CCNH: variants seen among roughly 807,000 people sequenced by gnomAD.
CCNH encodes cyclin-H.
A neutral mutation model predicts 41.9 loss-of-function variants in CCNH; 31 were observed. The observed-to-expected ratio is 0.74, with a 90% confidence interval of 0.56 to 1.00. The LOEUF (loss-of-function observed/expected upper bound fraction) is 1.00. Among genes scored for constraint, CCNH ranks in the 50% least tolerant of loss-of-function variants. The pLI is 0.00. For missense variants in CCNH, 362 were observed against 388.4 expected, an observed-to-expected ratio of 0.93 and a Z score of 0.57; for synonymous variants, 138 against 136.1, an observed-to-expected ratio of 1.01 and a Z score of -0.10.
chr5:87,395,652 G>A (rs1026094693), intron 7 of CCNH, among the ~76,000 whole-genome samples: 5 of 152,270 alleles, frequency 3.3e-5, no homozygotes, highest in African/African-American at 1.2e-4. Context: ...GCGTCAGATC[G>A]CCTGAGCCCA....
At chr5:87,408,456 G>A (rs1013457369) in intron 3 of CCNH, among the ~76,000 whole-genome samples, 1 of 152,114 alleles carries the variant, frequency 6.6e-6, no homozygotes, top group Admixed American at 6.6e-5. Flanking sequence ...ACAGTGTTAT[G>A]CAGTACAACC....
chr5:87,319,814 C>G (rs1580251094), intron 9 of CCNH, among the ~76,000 whole-genome samples: 1 of 152,198 alleles, frequency 6.6e-6, no homozygotes, highest in African/African-American at 2.4e-5. Context: ...GCTTGAATTT[C>G]TCCCCCCAAA....
At chr5:87,406,301 A>C (rs1763785811) in intron 4 of CCNH, among the ~76,000 whole-genome samples, 3 of 152,120 alleles carry the variant, frequency 2.0e-5, no homozygotes, top group Admixed American at 2.0e-4. Context: ...TTTGTATTTC[A>C]TCTTGCTCTC....
chr5:87,412,905 G>T lies in CCNH; in HGVS notation c.-111C>A, dbSNP rs1400492253. 4.2e-5 allele frequency: 62 copies of T among 1,491,896 alleles called. No homozygotes were observed. Among genetic ancestry groups the T allele is most frequent in the Middle Eastern group, 3.6e-4 (2 of 5,614 alleles). The allele number at this position is 1,491,896 out of a possible 1,614,324, so 92.4% of individuals were successfully genotyped here. A position where few individuals can be genotyped will look rare whatever the true frequency, so the allele number is the denominator to read the frequency against. ...CGAAGATCTCGCGGAAGCCTAGGGC[G>T]TCCGGCTAGCCGGCGCTGGCGCGCT... On this transcript the variant is annotated 5_prime_UTR_variant, in exon 1 of 9. Coordinates refer to ENST00000256897, the MANE Select transcript of CCNH (RefSeq NM_001239.4).
exon 1 of CCNH, chr5:87,376,875 T>C: frequency 6.3e-7 from 1 of 1,593,780 alleles, no homozygotes; most frequent in Middle Eastern, 1.7e-4. Flanking sequence ...TAAAATGTCA[T>C]TTTAGCTTAT....
chr5:87,330,833 G>C (rs1757548444), intron 9 of CCNH: 1 of 606,110 alleles, frequency 1.6e-6, no homozygotes, highest in Non-Finnish European at 2.5e-6. Context: ...TCAGCTTCAC[G>C]TTCAAACAGG....
At chr5:87,338,537 T>TATATATATA (rs1421369290) in intron 9 of CCNH, among the ~76,000 whole-genome samples, 3 of 79,798 alleles carry the variant, frequency 3.8e-5, no homozygotes, top group South Asian at 4.3e-4. Flanking sequence ...ATATATAAAA[T>TATATATATA]TTTTTTTTTT....
chr5:87,315,964 A>G (rs752075523), downstream of CCNH, among the ~76,000 whole-genome samples: 10 of 152,218 alleles, frequency 6.6e-5, no homozygotes, highest in Non-Finnish European at 1.2e-4. Context: ...TTCTTCAGTA[A>G]TTTGTAATTC....
chr5:87,374,725 C>T, downstream of CCNH: 1 of 1,421,630 alleles, frequency 7.0e-7, no homozygotes, highest in Non-Finnish European at 9.6e-7. Context: ...AGGTCTAGCA[C>T]ACTGTTTTTT....
At chr5:87,324,873 G>A (rs1389719079) in intron 9 of CCNH, among the ~76,000 whole-genome samples, 2 of 151,902 alleles carry the variant, frequency 1.3e-5, no homozygotes, top group East Asian at 3.9e-4. Context: ...GAAAAAAAAG[G>A]CCAAGTAAAG....
intron 9 of CCNH, chr5:87,383,566 C>T (rs1240272638): frequency 8.8e-6 from 5 of 566,636 alleles, no homozygotes; most frequent in Non-Finnish European, 1.5e-5. Flanking sequence ...TTAAAGCTTT[C>T]TGTGTCTGGG....
Position 87,401,763 on chromosome 5 carries a change from T to C in CCNH, c.699A>G (p.Ser233=). Residue 233 remains serine, a synonymous_variant, in exon 6 of 9, where the codon TCA becomes TCG. Coordinates refer to ENST00000256897, the MANE Select transcript of CCNH (RefSeq NM_001239.4). ...RAGITMESYL[S]ESLMLKENRT... is the part of the protein sequence containing the mutation. ...TGTTCTCTTTCAGCATCAGACTCTC[T>C]GATAAATAACTAGTAAAGAAAAGAA... 1 of 1,576,282 alleles carries C rather than the reference T, an allele frequency of 6.3e-7. No individual in the cohort carries two copies. The highest frequency in any genetic ancestry group is 8.6e-7 in the Non-Finnish European group (1 of 1,163,296).
Position 87,394,379 on chromosome 5 carries a change from A to C in CCNH, c.*67T>G. On this transcript the variant is annotated 3_prime_UTR_variant, in exon 9 of 9. Coordinates refer to ENST00000256897, the MANE Select transcript of CCNH (RefSeq NM_001239.4). ...TTTTCACATTATACTTTTTAAATAAAGTTAAACGTTTGATATGCTTCCTAC... is the reference window on the plus strand; with the variant it reads ...TTTTCACATTATACTTTTTAAATAACGTTAAACGTTTGATATGCTTCCTAC... 1 of 1,568,176 alleles carries C rather than the reference A, an allele frequency of 6.4e-7. No individual in the cohort carries two copies. Among genetic ancestry groups the C allele is most frequent in the South Asian group, 1.2e-5 (1 of 83,432 alleles).
downstream of CCNH, among the ~76,000 whole-genome samples, chr5:87,390,074 T>C (rs2112527569): frequency 6.6e-6 from 1 of 152,296 alleles, no homozygotes; most frequent in South Asian, 2.1e-4. Context: ...GTAGACTACA[T>C]TGATAGACTT....
chr5:87,341,178 C>T lies in CCNH; in HGVS notation c.*91-22281G>A, dbSNP rs1580306721. 1.6e-5 allele frequency: 9 copies of T among 554,840 alleles called. No homozygotes were observed. The East Asian group carries it at 2.6e-4, about 16-fold the overall frequency. The allele number at this position is 554,840 out of a possible 1,614,324, so 34.4% of individuals were successfully genotyped here. On this transcript the variant is annotated intron_variant and NMD_transcript_variant, in intron 9 of 9. Coordinates refer to the CCNH transcript ENST00000645953. Reference sequence around the variant, plus strand: ...ACAGAAACATCTTTTTTTATATAAACATAAATAAGGATAGTGTGGGGATAT... The same window carrying T: ...ACAGAAACATCTTTTTTTATATAAATATAAATAAGGATAGTGTGGGGATAT...
chr5:87,408,333 G>C (rs1235525170), intron 3 of CCNH, 147 bp from the exon 4 acceptor site: 2 of 486,998 alleles, frequency 4.1e-6, no homozygotes, highest in African/African-American at 3.9e-5. Flanking sequence ...GACATTGCAA[G>C]AATTGTTTTT....
intron 9 of CCNH, chr5:87,346,693 C>A: frequency 6.4e-7 from 1 of 1,552,920 alleles, no homozygotes; most frequent in Non-Finnish European, 8.9e-7. Flanking sequence ...GGAAGATTTC[C>A]AAACAGGAAG....
chr5:87,391,143 C>G, downstream of CCNH: 3 of 573,098 alleles, frequency 5.2e-6, no homozygotes, highest in Non-Finnish European at 9.4e-6. Context: ...GTACAGACCA[C>G]CTTTCACAAA....
chr5:87,374,827 C>G (rs1445608349), downstream of CCNH: 1 of 1,607,728 alleles, frequency 6.2e-7, no homozygotes, highest in South Asian at 1.1e-5. Flanking sequence ...TCTTTTTCTC[C>G]TTGCTCCTTT....
Sources: gnomAD v4.1 joint callset for allele counts (sites outside exome capture counted in the v4.1 genomes callset) on GRCh38, gnomAD v4.1.1 for gene constraint, MANE v1.5 for transcripts, NCBI Gene and HGNC (gene_info 2026-07-23, HGNC 2026-07-21) for gene names.